Variants in ACAA2 observed in about 807,000 individuals in gnomAD.
ACAA2 encodes 3-ketoacyl-CoA thiolase, mitochondrial.
In ACAA2, 35 loss-of-function variants were observed where a neutral mutation model predicts 44.8. The ratio of observed to expected loss-of-function variants is 0.78; its 90% CI spans 0.60 to 1.04. ACAA2 has a LOEUF of 1.04. Ranked by LOEUF, ACAA2 falls within the 50% of genes least tolerant of loss-of-function variation. ACAA2 has a pLI of 0.00. For synonymous variants in ACAA2, 142 were observed against 166.5 expected (o/e 0.85, Z 1.13); for missense variants, 468 against 482.6 (o/e 0.97, Z 0.28).
At chr18:49,798,374 C>G (rs941425133) in intron 2 of ACAA2, among the ~76,000 whole-genome samples, 10 of 152,010 alleles carry the variant, frequency 6.6e-5, no homozygotes, top group Admixed American at 6.6e-5. Flanking sequence ...AGTTCTGAAT[C>G]AACAGGTCTA....
rs1434043447 is a variant in ACAA2, at chr18:49,795,857, C to T, written c.337G>A (p.Val113Ile). The change falls in exon 4 of 10, where the codon GTT becomes ATT. Residue 113 changes from valine to isoleucine, a missense_variant. By Grantham distance (29) the Val-to-Ile change is conservative (BLOSUM62 3). Coordinates refer to ENST00000285093, the MANE Select transcript of ACAA2 (RefSeq NM_006111.3). ...CQEICVKEAEVVLCGGTESMS... is the reference protein window; with the variant it reads ...CQEICVKEAEIVLCGGTESMS... ...CTTTCGGTTCCTCCACATAAAACAA[C>T]TTCAGCTTCTTTAACACAAATTTCC... 6.2e-7 allele frequency: 1 copy of T among 1,611,454 alleles called. No homozygotes were observed. The highest frequency in any genetic ancestry group is 8.5e-7 in the Non-Finnish European group (1 of 1,178,740).
At chr18:49,793,295 A>T (rs561233151) in intron 5 of ACAA2, among the ~76,000 whole-genome samples, 1 of 152,238 alleles carries the variant, frequency 6.6e-6, no homozygotes, top group Non-Finnish European at 1.5e-5. Flanking sequence ...TACTAACCTT[A>T]ATTTTCATAT....
intron 6 of ACAA2, 116 bp from the exon 7 acceptor site, chr18:49,791,715 G>T: frequency 1.0e-6 from 1 of 997,844 alleles, no homozygotes; most frequent in Non-Finnish European, 1.4e-6. Flanking sequence ...CCAGTGCACA[G>T]TGTGAGATAC....
chr18:49,803,573 T>C (rs3927785), intron 1 of ACAA2, among the ~76,000 whole-genome samples: 10,496 of 152,260 alleles, frequency 0.069, 858 homozygotes, highest in East Asian at 0.29. Flanking sequence ...GAGTTTTGAC[T>C]GTGGCTCGTC....
chr18:49,783,992 A>T, intron 9 of ACAA2, 61 bp from the exon 10 acceptor site: 1 of 1,330,372 alleles, frequency 7.5e-7, no homozygotes, highest in South Asian at 1.2e-5. Context: ...ATGAAATAGA[A>T]CTAATAACAT....
intron 6 of ACAA2, 135 bp from the exon 7 acceptor site, chr18:49,791,734 A>G (rs1312770800): frequency 1.2e-6 from 1 of 831,562 alleles, no homozygotes; most frequent in Admixed American, 2.8e-5. Context: ...ACAATTAGAA[A>G]AGTGGTACTG....
In ACAA2 at chr18:49,794,427, G is replaced by A. The variant is rs763645430; in HGVS notation, c.430C>T (p.Leu144=). ...AATGATACCCATAAAGAATCTTCCA[G>A]CTATTAAAAGACATTAATAAAGTGA... ...FGTKLGSDIK[L]EDSLWVSLTD... is the part of the protein sequence containing the mutation. The change falls in exon 5 of 10, where the codon CTG becomes TTG. Residue 144 remains leucine (L), a splice_region_variant and synonymous_variant. Coordinates refer to ENST00000285093, the MANE Select transcript of ACAA2 (RefSeq NM_006111.3). The A allele has an allele frequency of 1.0e-5, 16 of 1,576,562 alleles. No homozygotes were observed. Among genetic ancestry groups the A allele is most frequent in the Non-Finnish European group, 1.4e-5 (16 of 1,165,592 alleles).
intron 7 of ACAA2, among the ~76,000 whole-genome samples, chr18:49,789,545 C>A (rs1334385145): frequency 6.6e-6 from 1 of 152,172 alleles, no homozygotes; most frequent in Admixed American, 6.5e-5. Flanking sequence ...AGGAAAACAA[C>A]GCTTTCTTGG....
At chr18:49,784,362 G>C (rs552412176) in intron 9 of ACAA2, among the ~76,000 whole-genome samples, 1 of 152,258 alleles carries the variant, frequency 6.6e-6, no homozygotes, top group African/African-American at 2.4e-5. Context: ...GAGCCTCATG[G>C]CACCTTAGAA....
intron 2 of ACAA2, among the ~76,000 whole-genome samples, chr18:49,801,166 T>G (rs1396398757): frequency 6.6e-6 from 1 of 152,188 alleles, no homozygotes; most frequent in Non-Finnish European, 1.5e-5. Flanking sequence ...GTGGTATTTG[T>G]CAAATGTTAT....
intron 7 of ACAA2, among the ~76,000 whole-genome samples, chr18:49,788,243 A>C (rs1223029147): frequency 6.6e-6 from 1 of 152,234 alleles, no homozygotes; most frequent in East Asian, 1.9e-4. Context: ...GTTCTTAAAG[A>C]ATGAAACTGC....
chr18:49,783,965 A>G (rs761921652), intron 9 of ACAA2, 34 bp from the exon 10 acceptor site: 7 of 1,562,556 alleles, frequency 4.5e-6, no homozygotes, highest in African/African-American at 1.4e-5. Context: ...AATCTACTCT[A>G]ATAAAAAATC....
rs754796723 is a variant in ACAA2 at position 49,785,177 on chromosome 18, C to T, written c.1109+20G>A. Reference sequence around the variant, plus strand: ...TATAAAAAACAGCAAATCTGAAATGCAGCTATTTCTAGCAAATACCTTAAT... The same window carrying T: ...TATAAAAAACAGCAAATCTGAAATGTAGCTATTTCTAGCAAATACCTTAAT... On this transcript the variant is annotated intron_variant, in intron 9 of 9. Transcript: ENST00000285093. The T allele has an allele frequency of 6.2e-7, 1 of 1,604,948 alleles. No individual in the cohort carries two copies. The highest frequency in any genetic ancestry group is 8.5e-7 in the Non-Finnish European group (1 of 1,176,388).
At chr18:49,812,328 T>C (rs2023679516) in intron 1 of ACAA2, among the ~76,000 whole-genome samples, 1 of 152,024 alleles carries the variant, frequency 6.6e-6, no homozygotes, top group East Asian at 1.9e-4. Flanking sequence ...TGCCTAAAAC[T>C]GAATTCTCAA....
intron 1 of ACAA2, among the ~76,000 whole-genome samples, chr18:49,812,252 G>T (rs762386930): frequency 2.0e-5 from 3 of 152,136 alleles, no homozygotes; most frequent in Non-Finnish European, 2.9e-5. Flanking sequence ...CTCACTTTCA[G>T]ATCCCCCTAA....
At position 49,791,465 on chromosome 18, in the gene ACAA2, C is replaced by G. The variant is rs762849309; in HGVS notation, c.883+5G>C. 3 of 1,609,176 alleles carry G rather than the reference C, an allele frequency of 1.9e-6. No homozygotes were observed. Among genetic ancestry groups the G allele is most frequent in the South Asian group, 1.1e-5 (1 of 90,598 alleles). ...TAGAACCAGTTTGTTTTACTATAAA[C>G]TTACCAATACCCATGATAGAGGGAT... is the stretch of plus-strand genomic sequence containing the variant. On this transcript the variant is annotated splice_donor_5th_base_variant and intron_variant, in intron 7 of 9. Transcript: ENST00000285093.
chr18:49,809,710 G>C (rs2023648123), intron 1 of ACAA2, among the ~76,000 whole-genome samples: 1 of 152,242 alleles, frequency 6.6e-6, no homozygotes, highest in African/African-American at 2.4e-5. Flanking sequence ...GTGCTTGCCA[G>C]GGGTTCAGAG....
chr18:49,808,373 A>C (rs2023632201), intron 1 of ACAA2, among the ~76,000 whole-genome samples: 1 of 152,246 alleles, frequency 6.6e-6, no homozygotes, highest in South Asian at 2.1e-4. Context: ...AATGATTTGA[A>C]AACTTATGTT....
intron 2 of ACAA2, among the ~76,000 whole-genome samples, chr18:49,800,988 T>A (rs944797624): frequency 9.2e-5 from 14 of 151,948 alleles, no homozygotes; most frequent in Non-Finnish European, 2.1e-4. Flanking sequence ...AAGATATCCA[T>A]TTCTTATAAC....
Sources: gnomAD v4.1 joint callset for allele counts (sites outside exome capture counted in the v4.1 genomes callset) on GRCh38, gnomAD v4.1.1 for gene constraint, MANE v1.5 for transcripts, NCBI Gene and HGNC (gene_info 2026-07-23, HGNC 2026-07-21) for gene names.